EPHA6: variants seen among roughly 807,000 people sequenced by gnomAD.
EPHA6 encodes EPH receptor A6.
A neutral mutation model predicts 112.0 loss-of-function variants in EPHA6; 50 were observed. The ratio of observed to expected loss-of-function variants is 0.45; its 90% CI spans 0.36 to 0.56. The LOEUF is 0.56. Ranked by LOEUF, EPHA6 falls within the 20% of genes least tolerant of loss-of-function variation. The probability of loss-of-function intolerance (pLI) is 0.00; values close to 1 mark genes in which losing one functional copy is unlikely to be tolerated. For missense variants in EPHA6, 1,280 were observed against 1,417.4 expected (o/e 0.90, Z 1.56); for synonymous variants, 529 against 490.7 (o/e 1.08, Z -1.03).
chr3:97,634,336 A>G (rs2093927724), intron 13 of EPHA6, among the ~76,000 whole-genome samples: 1 of 152,058 alleles, frequency 6.6e-6, no homozygotes, highest in African/African-American at 2.4e-5. Flanking sequence ...AAATTATCAG[A>G]TGCATTCCCA....
chr3:97,734,086 C>T (rs2035153054), intron 15 of EPHA6, among the ~76,000 whole-genome samples: 1 of 152,018 alleles, frequency 6.6e-6, no homozygotes, highest in Non-Finnish European at 1.5e-5. Flanking sequence ...ATAATAATAT[C>T]TACCATATTG....
At chr3:97,254,431 G>A (rs992941515) in intron 5 of EPHA6, among the ~76,000 whole-genome samples, 2 of 152,024 alleles carry the variant, frequency 1.3e-5, no homozygotes, top group Non-Finnish European at 2.9e-5. Context: ...CTCTTGTTCC[G>A]CCTGCCTTGG....
intron 2 of EPHA6, among the ~76,000 whole-genome samples, chr3:96,981,104 A>G (rs956360934): frequency 3.9e-4 from 60 of 152,248 alleles, no homozygotes; most frequent in African/African-American, 1.4e-3. Flanking sequence ...AGGAGTGGTG[A>G]GAGAGGGCGT....
intron 14 of EPHA6, among the ~76,000 whole-genome samples, chr3:97,684,305 T>G (rs1488802494): frequency 6.6e-6 from 1 of 152,136 alleles, no homozygotes; most frequent in Non-Finnish European, 1.5e-5. Flanking sequence ...TTAACAAAGC[T>G]TAAGATTTAA....
intron 3 of EPHA6, among the ~76,000 whole-genome samples, chr3:97,065,722 A>G (rs1197719986): frequency 6.6e-6 from 1 of 152,096 alleles, no homozygotes; most frequent in East Asian, 1.9e-4. Context: ...ACATTAAATG[A>G]GTTTATGTCA....
intron 3 of EPHA6, among the ~76,000 whole-genome samples, chr3:97,160,958 G>A (rs941742674): frequency 6.6e-6 from 1 of 152,122 alleles, no homozygotes; most frequent in African/African-American, 2.4e-5. Context: ...CCCTGCCCAT[G>A]AGGCCATAGG....
rs531781561 is a variant in EPHA6, at chr3:97,697,962, A to G, written c.2785-22299A>G. 6.6e-5 allele frequency among the ~76,000 whole-genome samples: 10 copies of G among 152,304 alleles called. No individual in the cohort carries two copies. The Middle Eastern group carries it at 0.01, about 155-fold the overall frequency. On this transcript the variant is annotated intron_variant, in intron 14 of 17. Transcript: ENST00000389672. ...AAATATTAATGATTTTTAAAGACAA[A>G]AACAAAGCATTAAAAGTAGATAGCC...
At chr3:97,639,197 A>C (rs2093979796) in intron 14 of EPHA6, among the ~76,000 whole-genome samples, 1 of 151,998 alleles carries the variant, frequency 6.6e-6, no homozygotes, top group Non-Finnish European at 1.5e-5. Context: ...GCAGTGTAGG[A>C]GTATCTACTG....
At chr3:96,924,845 G>A (rs1384469483) in intron 2 of EPHA6, among the ~76,000 whole-genome samples, 3 of 152,200 alleles carry the variant, frequency 2.0e-5, no homozygotes, top group Non-Finnish European at 4.4e-5. Flanking sequence ...TTAACATGAA[G>A]GAATATTGAA....
At chr3:97,204,714 A>G (rs926611281) in intron 3 of EPHA6, among the ~76,000 whole-genome samples, 15 of 152,152 alleles carry the variant, frequency 9.9e-5, no homozygotes, top group African/African-American at 3.6e-4. Flanking sequence ...GGAATTATGA[A>G]GTAAAAAGGA....
Position 96,920,848 on chromosome 3 carries a change from G to A in EPHA6, c.450+53959G>A, listed in dbSNP as rs1301951038. 2.0e-5 allele frequency among the ~76,000 whole-genome samples: 3 copies of A among 151,934 alleles called. No individual in the cohort carries two copies. In the East Asian group the frequency reaches 5.8e-4, roughly 29 times the overall value. ...ATAATTGGAATTCACAGACATTATA[G>A]AATAGAAATAATTTGTTCTAGTTTT... On this transcript the variant is annotated intron_variant, in intron 2 of 17. Coordinates refer to ENST00000389672, the MANE Select transcript of EPHA6 (RefSeq NM_001080448.3).
chr3:97,589,194 A>G (rs545473069), intron 11 of EPHA6, among the ~76,000 whole-genome samples: 1 of 149,090 alleles, frequency 6.7e-6, no homozygotes, highest in African/African-American at 2.5e-5. Flanking sequence ...ATCTCTCGTT[A>G]GTGTTAGTGT....
intron 2 of EPHA6, among the ~76,000 whole-genome samples, chr3:96,973,622 G>C (rs1418744054): frequency 2.6e-5 from 4 of 151,410 alleles, no homozygotes; most frequent in African/African-American, 9.7e-5. Context: ...TCAGGAGTTC[G>C]AGACCAGTTT....
At chr3:96,957,032 CA>C (rs60528834) in intron 2 of EPHA6, among the ~76,000 whole-genome samples, 26,223 of 95,240 alleles carry the variant, frequency 0.28, 3,397 homozygotes, top group African/African-American at 0.44. Context: ...AAACTTGTCT[CA>C]AAAAAAAAAA....
chr3:97,034,373 C>G (rs1208961732), intron 3 of EPHA6, among the ~76,000 whole-genome samples: 1 of 151,784 alleles, frequency 6.6e-6, no homozygotes, highest in Non-Finnish European at 1.5e-5. Context: ...ACAATCTTTG[C>G]AATTATCAGT....
At chr3:96,932,963 A>C (rs1362854633) in intron 2 of EPHA6, among the ~76,000 whole-genome samples, 1 of 152,170 alleles carries the variant, frequency 6.6e-6, no homozygotes, top group Non-Finnish European at 1.5e-5. Flanking sequence ...GAAACTTGGT[A>C]TGGGAAAGAT....
chr3:96,918,826 C>T (rs748800406), intron 2 of EPHA6, among the ~76,000 whole-genome samples: 14 of 151,748 alleles, frequency 9.2e-5, no homozygotes, highest in East Asian at 1.9e-4. Context: ...TTAATGTTTG[C>T]GCTTAAAAGT....
intron 14 of EPHA6, among the ~76,000 whole-genome samples, chr3:97,696,877 C>A (rs886700320): frequency 1.3e-5 from 2 of 152,170 alleles, no homozygotes; most frequent in Non-Finnish European, 2.9e-5. Context: ...CAAGCCTCAA[C>A]CATTGCTGGC....
intron 3 of EPHA6, among the ~76,000 whole-genome samples, chr3:97,158,585 C>T (rs7638241): frequency 0.06 from 9,159 of 152,006 alleles, 934 homozygotes; most frequent in African/African-American, 0.21. Context: ...CAAATTTAAA[C>T]GGGAAAGGGT....
Sources: allele counts gnomAD v4.1 joint callset (sites outside exome capture counted in the v4.1 genomes callset), GRCh38; gene constraint gnomAD v4.1.1; transcripts MANE v1.5; gene names NCBI Gene and HGNC (gene_info 2026-07-23, HGNC 2026-07-21).